RPS6KC1: variants seen among roughly 807,000 people sequenced by gnomAD.
RPS6KC1 encodes the protein ribosomal protein S6 kinase C1, also known as inactive ribosomal protein S6 kinase delta-1.
Under a neutral mutation model 103.8 loss-of-function variants are expected in RPS6KC1, and 54 were observed. That is an observed-to-expected ratio of 0.52 (90% CI 0.42 to 0.65). The LOEUF (loss-of-function observed/expected upper bound fraction) is 0.65, where lower values mean the gene tolerates loss of function less well. Among genes scored for constraint, RPS6KC1 ranks in the 30% least tolerant of loss-of-function variants. The probability of loss-of-function intolerance (pLI) is 0.00; values close to 1 mark genes in which losing one functional copy is unlikely to be tolerated. For missense variants in RPS6KC1, 1,151 were observed against 1,253.8 expected (o/e 0.92, Z 1.24); for synonymous variants, 439 against 438.7 (o/e 1.00, Z -0.01).
intron 1 of RPS6KC1, among the ~76,000 whole-genome samples, chr1:213,055,818 A>G (rs1305725779): frequency 1.3e-5 from 2 of 152,250 alleles, no homozygotes; most frequent in African/African-American, 4.8e-5. Context: ...ATCCATGAAC[A>G]TAATATATCT....
chr1:213,255,256 G>T (rs908724347), intron 12 of RPS6KC1, among the ~76,000 whole-genome samples: 1 of 151,582 alleles, frequency 6.6e-6, no homozygotes, highest in Non-Finnish European at 1.5e-5. Context: ...AGCCCAGGAG[G>T]TCGAGGCTGC....
At chr1:213,737,151 T>A in the RPS6KC1 span, among the ~76,000 whole-genome samples, 131 of 152,268 alleles carry the variant, frequency 8.6e-4, no homozygotes, top group Middle Eastern at 0.017. Flanking sequence ...AAAAGCCAAG[T>A]TCTGTAAAAA....
intron 14 of RPS6KC1, among the ~76,000 whole-genome samples, chr1:213,264,843 T>C (rs923490021): frequency 6.6e-6 from 1 of 152,210 alleles, no homozygotes. Flanking sequence ...CTTTGGTCTT[T>C]TAGCTCCTTG....
chr1:213,568,249 G>A, the RPS6KC1 span, among the ~76,000 whole-genome samples: 1 of 152,204 alleles, frequency 6.6e-6, no homozygotes, highest in Admixed American at 6.5e-5. Context: ...GGGACTTTCA[G>A]TGCTAGAACT....
At chr1:213,071,338 A>G (rs888444369) in intron 2 of RPS6KC1, among the ~76,000 whole-genome samples, 1 of 152,172 alleles carries the variant, frequency 6.6e-6, no homozygotes, top group African/African-American at 2.4e-5. Context: ...CACGTTGGCC[A>G]GGCTGGTCTC....
chr1:213,573,387 T>G, the RPS6KC1 span, among the ~76,000 whole-genome samples: 12 of 152,138 alleles, frequency 7.9e-5, no homozygotes, highest in African/African-American at 2.9e-4. Flanking sequence ...ATTCCAAGAT[T>G]GTATGGAAAA....
chr1:213,661,457 C>T, the RPS6KC1 span, among the ~76,000 whole-genome samples: 1 of 152,302 alleles, frequency 6.6e-6, no homozygotes, highest in African/African-American at 2.4e-5. Context: ...GAGGCACTGA[C>T]CTCGCCTTTC....
At chr1:213,646,751 A>G in the RPS6KC1 span, among the ~76,000 whole-genome samples, 1 of 152,080 alleles carries the variant, frequency 6.6e-6, no homozygotes, top group Non-Finnish European at 1.5e-5. Flanking sequence ...TCCTGAGGTC[A>G]TCATGGGGGC....
the RPS6KC1 span, among the ~76,000 whole-genome samples, chr1:213,740,661 A>ATG: frequency 4.0e-4 from 61 of 151,648 alleles, no homozygotes; most frequent in East Asian, 1.7e-3. Context: ...TCTCAGATAT[A>ATG]TATACACATA....
At chr1:213,245,554 T>C (rs900494139) in intron 12 of RPS6KC1, among the ~76,000 whole-genome samples, 1 of 152,182 alleles carries the variant, frequency 6.6e-6, no homozygotes, top group South Asian at 2.1e-4. Flanking sequence ...GGAATCCTTA[T>C]CACATATTTG....
At chr1:213,528,291 G>A in the RPS6KC1 span, among the ~76,000 whole-genome samples, 4 of 152,252 alleles carry the variant, frequency 2.6e-5, no homozygotes, top group Non-Finnish European at 4.4e-5. Flanking sequence ...AAGAAGTGCC[G>A]AGCAAAGGGG....
chr1:213,839,618 C>T, the RPS6KC1 span: 1 of 152,316 alleles, frequency 6.6e-6, no homozygotes, highest in Non-Finnish European at 1.5e-5. Flanking sequence ...AACCTCATTC[C>T]TCCTGCAGGG....
the RPS6KC1 span, among the ~76,000 whole-genome samples, chr1:213,293,613 A>G: frequency 2.6e-5 from 4 of 152,112 alleles, no homozygotes; most frequent in Non-Finnish European, 5.9e-5. Context: ...TTGAGGCTGC[A>G]GTGAGCTATG....
At chr1:213,053,383 A>G (rs76565037) in intron 1 of RPS6KC1, among the ~76,000 whole-genome samples, 2,901 of 152,370 alleles carry the variant, frequency 0.019, 96 homozygotes, top group African/African-American at 0.065. Context: ...ATGCATGTGC[A>G]TGGCACACAG....
the RPS6KC1 span, among the ~76,000 whole-genome samples, chr1:213,363,548 G>C: frequency 6.6e-6 from 1 of 152,170 alleles, no homozygotes; most frequent in African/African-American, 2.4e-5. Flanking sequence ...GGCAGAGAAG[G>C]GAGAAGTGAG....
At chr1:213,379,029 G>A in the RPS6KC1 span, among the ~76,000 whole-genome samples, 4,335 of 152,216 alleles carry the variant, frequency 0.028, 206 homozygotes, top group African/African-American at 0.098. Context: ...CCAGGTTCTC[G>A]GCAAGGGTTG....
At chr1:213,761,922 T>A in the RPS6KC1 span, among the ~76,000 whole-genome samples, 1 of 152,060 alleles carries the variant, frequency 6.6e-6, no homozygotes, top group Admixed American at 6.6e-5. Flanking sequence ...TCTTTGATTA[T>A]TTTTCTATTC....
At chr1:213,603,110 C>A in the RPS6KC1 span, among the ~76,000 whole-genome samples, 4 of 152,206 alleles carry the variant, frequency 2.6e-5, no homozygotes, top group African/African-American at 9.6e-5. Flanking sequence ...TCACACAAAC[C>A]CAGTAGGGCA....
At chr1:213,120,450 A>G (rs2148921946) in intron 5 of RPS6KC1, among the ~76,000 whole-genome samples, 1 of 152,294 alleles carries the variant, frequency 6.6e-6, no homozygotes, top group East Asian at 1.9e-4. Context: ...CATAGTGGGA[A>G]AGTGGAAGAT....
Sources: allele counts gnomAD v4.1 joint callset (sites outside exome capture counted in the v4.1 genomes callset), GRCh38; gene constraint gnomAD v4.1.1; transcripts MANE v1.5; gene names NCBI Gene and HGNC (gene_info 2026-07-23, HGNC 2026-07-21).